The following ATF6 variants were observed in gnomAD, a reference collection of about 807,000 sequenced individuals.
ATF6 encodes the protein activating transcription factor 6, also known as cyclic AMP-dependent transcription factor ATF-6 alpha.
A neutral mutation model predicts 83.6 loss-of-function variants in ATF6; 53 were observed. The ratio of observed to expected loss-of-function variants is 0.63; its 90% CI spans 0.51 to 0.80. The LOEUF (loss-of-function observed/expected upper bound fraction) is 0.80. Among genes scored for constraint, ATF6 ranks in the 30% least tolerant of loss-of-function variants. The pLI, the probability that ATF6 is intolerant of heterozygous loss-of-function variation, is 0.00. For missense variants in ATF6, 744 were observed against 797.9 expected (o/e 0.93, Z 0.81); for synonymous variants, 288 against 285.8 (o/e 1.01, Z -0.08).
intron 9 of ATF6, among the ~76,000 whole-genome samples, chr1:161,834,243 G>T (rs1490833618): frequency 6.6e-6 from 1 of 152,068 alleles, no homozygotes; most frequent in African/African-American, 2.4e-5. Context: ...CCCTACAAGA[G>T]CTCCGGAAGG....
At chr1:161,924,401 C>T (rs1688269708) in intron 15 of ATF6, among the ~76,000 whole-genome samples, 1 of 152,086 alleles carries the variant, frequency 6.6e-6, no homozygotes, top group Admixed American at 6.5e-5. Context: ...CTAAGAAATC[C>T]ACATATTTAA....
chr1:161,955,487 AG>A (rs1688948249), intron 15 of ATF6, among the ~76,000 whole-genome samples: 2 of 152,272 alleles, frequency 1.3e-5, no homozygotes, highest in South Asian at 4.1e-4. Context: ...CACCCAGGGG[AG>A]GGACCTACAA....
intron 15 of ATF6, among the ~76,000 whole-genome samples, chr1:161,955,962 A>T (rs575561123): frequency 6.6e-6 from 1 of 152,120 alleles, no homozygotes; most frequent in African/African-American, 2.4e-5. Context: ...TGCCATTCCA[A>T]CCATGGCTAG....
rs138129843 is a variant in ATF6 at position 161,872,907 on chromosome 1, G to C, written c.1719+9595G>C. 2.0e-3 allele frequency among the ~76,000 whole-genome samples: 301 copies of C among 151,572 alleles called. 3 individuals are homozygous for C. Among genetic ancestry groups the C allele is most frequent in the Middle Eastern group, 6.8e-3 (2 of 292 alleles). ...ATGTGTTTGTGTTAAGGACAGGAGA[G>C]ATATAGGGATAGGGTATAAGGTAAA... On this transcript the variant is annotated intron_variant, in intron 14 of 15. Transcript: ENST00000367942.
At chr1:161,802,808 T>C (rs1685188849) in intron 7 of ATF6, among the ~76,000 whole-genome samples, 1 of 152,222 alleles carries the variant, frequency 6.6e-6, no homozygotes, top group Non-Finnish European at 1.5e-5. Flanking sequence ...TGCAAACCTT[T>C]AAATTTTCTA....
intron 14 of ATF6, among the ~76,000 whole-genome samples, chr1:161,895,755 C>T (rs773092523): frequency 8.5e-5 from 13 of 152,064 alleles, no homozygotes; most frequent in Non-Finnish European, 1.6e-4. Flanking sequence ...GTGCTTTTTC[C>T]CTCCCCCTAG....
chr1:161,806,002 T>C (rs927969690), intron 7 of ATF6, among the ~76,000 whole-genome samples: 14 of 152,204 alleles, frequency 9.2e-5, no homozygotes, highest in African/African-American at 3.1e-4. Context: ...TGAAACAGTT[T>C]GCCTGGTTCA....
rs930106940 is a variant in ATF6, at chr1:161,810,608, C to CT, written c.909+8347dup. Among the ~76,000 whole-genome samples, 534 of 146,918 alleles carry CT rather than the reference C, an allele frequency of 3.6e-3. 1 individual carries two copies. The highest frequency in any genetic ancestry group is 0.011 in the African/African-American group (443 of 40,308). On this transcript the variant is annotated intron_variant, in intron 7 of 15. Transcript: ENST00000367942. Reference sequence around the variant, plus strand: ...GGGAGTCCATAAGCTCTTTTGTTGTCTTTTTTTTTTTAACAGCTTCATTGA... The same window carrying CT: ...GGGAGTCCATAAGCTCTTTTGTTGTCTTTTTTTTTTTTAACAGCTTCATTGA...
At chr1:161,834,309 A>G (rs533950629) in intron 9 of ATF6, among the ~76,000 whole-genome samples, 39 of 152,246 alleles carry the variant, frequency 2.6e-4, no homozygotes, top group Non-Finnish European at 4.4e-4. Flanking sequence ...TCATGCTGCT[A>G]TAAAGACACA....
At position 161,903,826 on chromosome 1, in the gene ATF6, CTCTG is replaced by C. The variant is rs1351938275; in HGVS notation, c.1720-8464_1720-8461del. Among the ~76,000 whole-genome samples, 16 of 152,158 alleles carry C rather than the reference CTCTG, an allele frequency of 1.1e-4. No individual in the cohort carries two copies. In the East Asian group the frequency reaches 1.2e-3, roughly 11 times the overall value. ...TAGCTCCAGAGTCCATCCTTTTAAT[CTCTG>C]TCTGTGCCACTCTGGCCAGTGTTTG... On this transcript the variant is annotated intron_variant, in intron 14 of 15. Transcript: ENST00000367942.
intron 9 of ATF6, among the ~76,000 whole-genome samples, chr1:161,827,429 A>T (rs144232985): frequency 6.6e-6 from 1 of 151,544 alleles, no homozygotes; most frequent in Non-Finnish European, 1.5e-5. Flanking sequence ...CATAGGCTTT[A>T]AAAAAAAAGA....
At chr1:161,890,047 C>T (rs1234533034) in intron 14 of ATF6, among the ~76,000 whole-genome samples, 1 of 152,168 alleles carries the variant, frequency 6.6e-6, no homozygotes, top group Non-Finnish European at 1.5e-5. Flanking sequence ...TTTTTGTGAA[C>T]TCTCTGAGAA....
At chr1:161,773,153 T>TTTTTTTTTTTTTTTTA (rs1557952382) in intron 1 of ATF6, among the ~76,000 whole-genome samples, 1 of 150,804 alleles carries the variant, frequency 6.6e-6, no homozygotes, top group East Asian at 1.9e-4. Context: ...TTTTTTTTTT[T>TTTTTTTTTTTTTTTTA]GAGACGGAGT....
At chr1:161,772,268 A>G (rs116279393) in intron 1 of ATF6, among the ~76,000 whole-genome samples, 1,981 of 152,268 alleles carry the variant, frequency 0.013, 48 homozygotes, top group African/African-American at 0.044. Flanking sequence ...TATTAGTTAA[A>G]TTCAGTTTTG....
chr1:161,927,105 T>C (rs1038300437), intron 15 of ATF6, among the ~76,000 whole-genome samples: 1 of 151,884 alleles, frequency 6.6e-6, no homozygotes, highest in Non-Finnish European at 1.5e-5. Flanking sequence ...AAACAAGGCA[T>C]ACATAGATCA....
chr1:161,835,448 A>G (rs1220970137), intron 9 of ATF6, among the ~76,000 whole-genome samples: 1 of 152,228 alleles, frequency 6.6e-6, no homozygotes, highest in Non-Finnish European at 1.5e-5. Context: ...TTTGTAAACC[A>G]AACATTTTTC....
Position 161,854,579 on chromosome 1 carries a change from G to T in ATF6, c.1533+1256G>T, listed in dbSNP as rs554364740. On this transcript the variant is annotated intron_variant, in intron 12 of 15. Transcript: ENST00000367942. ...AAAGTCACTGAAATAACAATGTAAA[G>T]ATTTAGGGGAGGCTGGGCGTGGTGG... Among the ~76,000 whole-genome samples, 6 of 152,286 alleles carry T rather than the reference G, an allele frequency of 3.9e-5. No individual in the cohort carries two copies. The South Asian group carries it at 1.0e-3, about 26-fold the overall frequency.
Position 161,819,812 on chromosome 1 carries a change from G to T in ATF6, c.1089G>T (p.Val363=), listed in dbSNP as rs1363690060. ...TGAAGCGGCAGCTGGATGAAGTTGT[G>T]TCAGAGGTAAGTGTTAGTAATACGG... ...GTLKRQLDEV[V]SENQRLKVPS... Residue 363 remains valine (V), a synonymous_variant, in exon 8 of 16, where the codon GTG becomes GTT. Transcript: ENST00000367942. 6.2e-7 allele frequency: 1 copy of T among 1,608,614 alleles called. No individual in the cohort carries two copies.
intron 12 of ATF6, among the ~76,000 whole-genome samples, chr1:161,856,708 C>A (rs1243371201): frequency 6.7e-6 from 1 of 149,196 alleles, no homozygotes; most frequent in African/African-American, 2.5e-5. Flanking sequence ...GATTAAAATT[C>A]TTGCCCTAAA....
Sources: allele counts gnomAD v4.1 joint callset (sites outside exome capture counted in the v4.1 genomes callset), GRCh38; gene constraint gnomAD v4.1.1; transcripts MANE v1.5; gene names NCBI Gene and HGNC (gene_info 2026-07-23, HGNC 2026-07-21).